L3HYPDH: variants seen among roughly 807,000 people sequenced by gnomAD.
L3HYPDH encodes trans-3-hydroxy-L-proline dehydratase.
Under a neutral mutation model 26.5 loss-of-function variants are expected in L3HYPDH, and 32 were observed. The ratio of observed to expected loss-of-function variants is 1.21; its 90% CI spans 0.91 to 1.62. The LOEUF is 1.62. Among genes scored for constraint, L3HYPDH ranks in the 40% most tolerant of loss-of-function variants. L3HYPDH has a pLI of 0.00. For synonymous variants in L3HYPDH, 215 were observed against 196.6 expected (o/e 1.09, Z -0.78); for missense variants, 554 against 476.4 (o/e 1.16, Z -1.52).
At chr14:59,493,280 C>T in the L3HYPDH span, among the ~76,000 whole-genome samples, 5 of 152,142 alleles carry the variant, frequency 3.3e-5, no homozygotes, top group African/African-American at 1.2e-4. Context: ...GGAAGAGAAC[C>T]AAGGCACACC....
At chr14:59,498,840 G>A in the L3HYPDH span, 1 of 1,612,862 alleles carries the variant, frequency 6.2e-7, no homozygotes, top group African/African-American at 1.3e-5. Context: ...CGATTTAAAA[G>A]TATTTATGCT....
chr14:59,471,893 G>C (rs1370480923), downstream of L3HYPDH, among the ~76,000 whole-genome samples: 1 of 152,136 alleles, frequency 6.6e-6, no homozygotes, highest in Non-Finnish European at 1.5e-5. Context: ...GAGAATGAGT[G>C]AAAAACATCC....
At chr14:59,494,967 C>A in the L3HYPDH span, 2 of 1,303,338 alleles carry the variant, frequency 1.5e-6, no homozygotes, top group African/African-American at 1.5e-5. Flanking sequence ...TTATTAAAGC[C>A]ATTTAAATAT....
At position 59,475,940 on chromosome 14, in the gene L3HYPDH, G is replaced by A. The variant is rs879579189; in HGVS notation, c.868C>T (p.Leu290=). 4 of 1,613,816 alleles carry A rather than the reference G, an allele frequency of 2.5e-6. No individual in the cohort carries two copies. The highest frequency in any genetic ancestry group is 3.4e-6 in the Non-Finnish European group (4 of 1,179,886). The change falls in exon 4 of 5, where the codon CTG becomes TTG. Residue 290 remains leucine (L), a synonymous_variant. Coordinates refer to ENST00000247194, the MANE Select transcript of L3HYPDH (RefSeq NM_144581.2). ...AAGGCTCTCATCTGGTTCAGTTCCA[G>A]AAGCCCTTTGTGATACTGTAAGGCA... The part of the protein sequence containing the change: ...RIALQYHKGL[L]ELNQMRAFKS...
chr14:59,483,038 G>C (rs903027342), intron 1 of L3HYPDH, among the ~76,000 whole-genome samples: 1 of 152,176 alleles, frequency 6.6e-6, no homozygotes, highest in Non-Finnish European at 1.5e-5. Context: ...ATCTGTACTA[G>C]AGAATCCAGC....
rs1298284365 is a variant in L3HYPDH at position 59,484,011 on chromosome 14, G to A, written c.306C>T (p.Ser102=). 1.2e-6 allele frequency: 2 copies of A among 1,601,178 alleles called. No homozygotes were observed. Among genetic ancestry groups the A allele is most frequent in the Non-Finnish European group, 1.7e-6 (2 of 1,178,006 alleles). The change falls in exon 1 of 5, where the codon TCC becomes TCT. Residue 102 remains serine, a synonymous_variant. Transcript: ENST00000247194. ...VLFLHNEGYS[S]MCGHAVLALG... ...GCGCCAGCACTGCGTGGCCGCACAT[G>A]GAGCTGTAGCCCTCGTTGTGCAGGA...
chr14:59,484,525 G>T, upstream of L3HYPDH: 2 of 1,552,532 alleles, frequency 1.3e-6, no homozygotes, highest in Non-Finnish European at 1.7e-6. Flanking sequence ...CTGTGGCCCG[G>T]ATGTTCGGTG....
At chr14:59,474,705 G>A (rs1889507762) in intron 4 of L3HYPDH, 8 of 558,212 alleles carry the variant, frequency 1.4e-5, no homozygotes, top group Non-Finnish European at 2.5e-5. Context: ...ATTGAAAAAC[G>A]ATAATAACAG....
At chr14:59,476,751 GA>G (rs1316138554) in intron 2 of L3HYPDH, among the ~76,000 whole-genome samples, 1 of 152,056 alleles carries the variant, frequency 6.6e-6, no homozygotes, top group Non-Finnish European at 1.5e-5. Flanking sequence ...ACAATTGGAG[GA>G]AAAAAAGATT....
chr14:59,484,997 GCGCC>G, upstream of L3HYPDH: 1 of 1,582,660 alleles, frequency 6.3e-7, no homozygotes, highest in East Asian at 2.2e-5. Context: ...TAGATTTATA[GCGCC>G]CGTCACAAAG....
downstream of L3HYPDH, among the ~76,000 whole-genome samples, chr14:59,471,366 T>C (rs1266259959): frequency 6.6e-6 from 1 of 152,186 alleles, no homozygotes; most frequent in Non-Finnish European, 1.5e-5. Context: ...TCGGAACTCC[T>C]AGATTTGCAG....
downstream of L3HYPDH, among the ~76,000 whole-genome samples, chr14:59,468,696 A>G (rs1032100793): frequency 5.3e-5 from 8 of 152,184 alleles, no homozygotes; most frequent in Admixed American, 1.3e-4. Context: ...TGTTTATTTT[A>G]TGAGATCCCC....
At chr14:59,488,998 A>G (rs1890789779), upstream of L3HYPDH, among the ~76,000 whole-genome samples, 1 of 152,262 alleles carries the variant, frequency 6.6e-6, no homozygotes, top group Non-Finnish European at 1.5e-5. Context: ...GCAGTCTGAA[A>G]GACTTCTGAA....
chr14:59,489,194 T>TCCC (rs1890803622), upstream of L3HYPDH, among the ~76,000 whole-genome samples: 1 of 58,294 alleles, frequency 1.7e-5, no homozygotes, highest in Admixed American at 1.9e-4. Context: ...CCTTTTTAAG[T>TCCC]ATAAGTCCCA....
rs757996816 is a variant in L3HYPDH, at chr14:59,484,084, G to GC, written c.232dup (p.Ala78GlyfsTer121). The stretch of plus-strand genomic sequence containing the variant: ...CGGCAGCTCGCTCGGGACTAGGACC[G>GC]CCCCGTACATGTCCCGGTGCCCTCG... On this transcript the variant is annotated frameshift_variant, in exon 1 of 5. Transcript: ENST00000247194. LOFTEE classifies it high-confidence loss of function. The GC allele has an allele frequency of 6.2e-7, 1 of 1,606,652 alleles. No individual in the cohort carries two copies. The highest frequency in any genetic ancestry group is 8.5e-7 in the Non-Finnish European group (1 of 1,179,512).
chr14:59,480,509 G>A (rs954610760), intron 1 of L3HYPDH, among the ~76,000 whole-genome samples: 7 of 152,244 alleles, frequency 4.6e-5, no homozygotes, highest in African/African-American at 1.4e-4. Flanking sequence ...CAGGAAAGGG[G>A]ACAACACATG....
chr14:59,476,173 T>G lies in L3HYPDH; in HGVS notation c.720A>C (p.Leu240Phe). The G allele has an allele frequency of 6.2e-7, 1 of 1,612,190 alleles. No individual in the cohort carries two copies. Among genetic ancestry groups the G allele is most frequent in the Non-Finnish European group, 8.5e-7 (1 of 1,178,482 alleles). The change falls in exon 3 of 5, where the codon TTA becomes TTC. Residue 240 changes from leucine to phenylalanine, a missense_variant. Coordinates refer to ENST00000247194, the MANE Select transcript of L3HYPDH (RefSeq NM_144581.2). Reference protein sequence around the residue: ...NHPDSEDLAFLYGTILTDGKD... With the variant: ...NHPDSEDLAFFYGTILTDGKD... Reference sequence around the variant, plus strand: ...TTCCATCTGTTAATATAGTTCCATATAAAAAGGCAAGGTCTTCACTATCAG... The same window carrying G: ...TTCCATCTGTTAATATAGTTCCATAGAAAAAGGCAAGGTCTTCACTATCAG...
At chr14:59,484,781 C>T (rs1354316763), upstream of L3HYPDH, 2 of 913,908 alleles carry the variant, frequency 2.2e-6, no homozygotes, top group Non-Finnish European at 3.2e-6. Flanking sequence ...CCGCAACGGG[C>T]TACTAGGGGA....
At chr14:59,471,133 GT>G (rs375565889), downstream of L3HYPDH, among the ~76,000 whole-genome samples, 158 of 152,190 alleles carry the variant, frequency 1.0e-3, 5 homozygotes, top group East Asian at 0.027. Context: ...TTTCCCTAAT[GT>G]TTTTTAGTTC....
Sources: gnomAD v4.1 joint callset for allele counts (sites outside exome capture counted in the v4.1 genomes callset) on GRCh38, gnomAD v4.1.1 for gene constraint, MANE v1.5 for transcripts, NCBI Gene and HGNC (gene_info 2026-07-23, HGNC 2026-07-21) for gene names.